DCAF5: variants seen among roughly 807,000 people sequenced by gnomAD.
DCAF5 encodes the protein DDB1 and CUL4 associated factor 5.
DCAF5 carries 9 observed loss-of-function variants against 80.7 expected under a neutral mutation model. The ratio of observed to expected loss-of-function variants is 0.11; its 90% CI spans 0.07 to 0.19. DCAF5 has a LOEUF of 0.19. Among genes scored for constraint, DCAF5 ranks in the 10% least tolerant of loss-of-function variants. The probability of loss-of-function intolerance (pLI) is 1.00; values close to 1 mark genes in which losing one functional copy is unlikely to be tolerated. For synonymous variants in DCAF5, 433 were observed against 461.9 expected, an observed-to-expected ratio of 0.94 and a Z score of 0.80; for missense variants, 842 against 1,205.7, an observed-to-expected ratio of 0.70 and a Z score of 4.47.
intron 6 of DCAF5, among the ~76,000 whole-genome samples, chr14:69,086,349 C>T (rs796478309): frequency 2.0e-5 from 3 of 152,058 alleles, no homozygotes; most frequent in African/African-American, 7.2e-5. Flanking sequence ...TAGAGCAAGA[C>T]TCCGTCTAAA....
At chr14:69,080,515 T>C (rs1351829483) in intron 6 of DCAF5, among the ~76,000 whole-genome samples, 1 of 152,210 alleles carries the variant, frequency 6.6e-6, no homozygotes, top group African/African-American at 2.4e-5. Context: ...TCACCTCAAG[T>C]AGTGAAATTG....
Position 69,091,857 on chromosome 14 carries a change from G to A in DCAF5, c.696C>T (p.Ser232=), listed in dbSNP as rs2039542969. The change falls in exon 6 of 9, where the codon TCC becomes TCT. Residue 232 remains serine (S), a synonymous_variant. Transcript: ENST00000341516. ...SSLLRYGGNL[S]LQSAMSVRFN... is the part of the protein sequence containing the mutation. ...ATCGTACACTCATGGCACTTTGGAG[G>A]GACAGGTTTCCACCATAGCGCAGGA... 1 of 1,613,812 alleles carries A rather than the reference G, an allele frequency of 6.2e-7. No individual in the cohort carries two copies. The highest frequency in any genetic ancestry group is 8.5e-7 in the Non-Finnish European group (1 of 1,179,878).
intron 1 of DCAF5, among the ~76,000 whole-genome samples, chr14:69,124,392 C>G (rs2040815155): frequency 6.6e-6 from 1 of 152,134 alleles, no homozygotes; most frequent in African/African-American, 2.4e-5. Flanking sequence ...TTTGCCACAG[C>G]AGATTTCTTC....
At chr14:69,102,589 A>ACACACACACACACACACAC (rs2039995937) in intron 5 of DCAF5, among the ~76,000 whole-genome samples, 2 of 33,642 alleles carry the variant, frequency 5.9e-5, no homozygotes, top group East Asian at 5.1e-3. Flanking sequence ...GTTAAAAACA[A>ACACACACACACACACACAC]AGACACACAC....
In DCAF5 at chr14:69,053,577, C is replaced by G. The variant is rs146420924; in HGVS notation, c.*280G>C. On this transcript the variant is annotated 3_prime_UTR_variant, in exon 9 of 9. Coordinates refer to ENST00000341516, the MANE Select transcript of DCAF5 (RefSeq NM_003861.3). The stretch of plus-strand genomic sequence containing the variant: ...ACGTCTCAACAAAGATTTACTTCCA[C>G]AGAGCCTTGCGCGGCACACTACGCT... 2.2e-4 allele frequency: 78 copies of G among 360,194 alleles called. No homozygotes were observed. The highest frequency in any genetic ancestry group is 1.5e-3 in the African/African-American group (69 of 46,892). 22.3% of individuals were successfully genotyped at this position (360,194 alleles called of 1,614,324 possible).
At chr14:69,096,566 T>C (rs1009447309) in intron 5 of DCAF5, among the ~76,000 whole-genome samples, 1 of 152,186 alleles carries the variant, frequency 6.6e-6, no homozygotes, top group East Asian at 1.9e-4. Flanking sequence ...GTGTTTCTAA[T>C]CATTATCTTC....
chr14:69,061,818 T>A (rs1333054888), intron 8 of DCAF5, among the ~76,000 whole-genome samples: 1 of 152,206 alleles, frequency 6.6e-6, no homozygotes, highest in Non-Finnish European at 1.5e-5. Context: ...AGGTAGTGTC[T>A]AGAAGACAAC....
chr14:69,105,941 A>ATATATATATATATATC (rs2040137559), intron 5 of DCAF5, among the ~76,000 whole-genome samples: 1 of 102,550 alleles, frequency 9.8e-6, no homozygotes. Context: ...ATATATATAT[A>ATATATATATATATATC]TATATCTCCT....
intron 8 of DCAF5, among the ~76,000 whole-genome samples, chr14:69,061,212 A>C (rs2038204061): frequency 6.6e-6 from 1 of 151,952 alleles, no homozygotes; most frequent in South Asian, 2.1e-4. Flanking sequence ...GGCTGGTCTC[A>C]AACTCCTGGG....
intron 5 of DCAF5, among the ~76,000 whole-genome samples, chr14:69,096,062 TAATACAACCC>T (rs2039702107): frequency 6.6e-6 from 1 of 152,190 alleles, no homozygotes; most frequent in Non-Finnish European, 1.5e-5. Flanking sequence ...GTATTTCCTA[TAATACAACCC>T]ACAGAATATG....
rs2037879647 is a variant in DCAF5 at position 69,054,568 on chromosome 14, G to A, written c.2118C>T (p.Ser706=). 6.2e-7 allele frequency: 1 copy of A among 1,614,084 alleles called. No individual in the cohort carries two copies. The highest frequency in any genetic ancestry group is 2.2e-5 in the East Asian group (1 of 44,890). Residue 706 remains serine (S), a synonymous_variant, in exon 9 of 9, where the codon TCC becomes TCT. Transcript: ENST00000341516. ...CTATGTTTAGACAGGCTTCCTTACT[G>A]GAAGAAGGGGCTGGGTTGTCTTTGT... The part of the protein sequence containing the change: ...TSHKDNPAPS[S]SKEACLNIAM...
At chr14:69,092,624 T>C (rs969899787) in intron 5 of DCAF5, among the ~76,000 whole-genome samples, 8 of 152,096 alleles carry the variant, frequency 5.3e-5, no homozygotes, top group African/African-American at 1.4e-4. Context: ...TCTCAAAAAA[T>C]TGAACAATAG....
At position 69,051,522 on chromosome 14, in the gene DCAF5, T is replaced by C. The variant is rs1273495961; in HGVS notation, c.*2335A>G. The C allele has an allele frequency of 6.6e-6, 1 of 152,210 alleles. No homozygotes were observed. Among genetic ancestry groups the C allele is most frequent in the East Asian group, 1.9e-4 (1 of 5,188 alleles). 9.4% of individuals were successfully genotyped at this position (152,210 alleles called of 1,614,324 possible). A position where few individuals can be genotyped will look rare whatever the true frequency, so the allele number is the denominator to read the frequency against. ...TGAGCCTAGGATGCTGGGAAGCCTC[T>C]GCCAAGGATGGAAGGCATACTTGCT... On this transcript the variant is annotated 3_prime_UTR_variant, in exon 9 of 9. Transcript: ENST00000341516.
intron 1 of DCAF5, among the ~76,000 whole-genome samples, chr14:69,132,053 C>T (rs190310661): frequency 6.6e-6 from 1 of 152,204 alleles, no homozygotes; most frequent in East Asian, 1.9e-4. Context: ...CTGATGGACC[C>T]TTGGGTTGCT....
intron 8 of DCAF5, among the ~76,000 whole-genome samples, chr14:69,060,440 A>G (rs189426007): frequency 2.0e-5 from 3 of 152,360 alleles, no homozygotes; most frequent in Admixed American, 1.3e-4. Flanking sequence ...TGCTGCAATG[A>G]AAGTCAGCTC....
At chr14:69,125,684 A>G (rs1489629619) in intron 1 of DCAF5, among the ~76,000 whole-genome samples, 1 of 152,242 alleles carries the variant, frequency 6.6e-6, no homozygotes, top group Non-Finnish European at 1.5e-5. Context: ...AGGAATGGAA[A>G]AATTCCACTG....
At chr14:69,150,064 A>C (rs1392369953) in intron 1 of DCAF5, among the ~76,000 whole-genome samples, 2 of 152,246 alleles carry the variant, frequency 1.3e-5, no homozygotes, top group African/African-American at 4.8e-5. Flanking sequence ...TGTACTCATA[A>C]TGGAAGGTAA....
At chr14:69,115,213 AAT>A (rs2040504458) in intron 5 of DCAF5, among the ~76,000 whole-genome samples, 1 of 152,180 alleles carries the variant, frequency 6.6e-6, no homozygotes, top group Non-Finnish European at 1.5e-5. Flanking sequence ...CACACATTTC[AAT>A]AGACTGTAAA....
intron 6 of DCAF5, among the ~76,000 whole-genome samples, chr14:69,082,233 T>C (rs902242522): frequency 1.3e-5 from 2 of 152,240 alleles, no homozygotes; most frequent in Non-Finnish European, 2.9e-5. Context: ...GCAAATTTTC[T>C]TTGGAAATGG....
Sources: allele counts gnomAD v4.1 joint callset (sites outside exome capture counted in the v4.1 genomes callset), GRCh38; gene constraint gnomAD v4.1.1; transcripts MANE v1.5; gene names NCBI Gene and HGNC (gene_info 2026-07-23, HGNC 2026-07-21).